Variants in PEBP4 observed in about 807,000 individuals in gnomAD.
PEBP4 encodes the protein phosphatidylethanolamine binding protein 4.
Under a neutral mutation model 23.9 loss-of-function variants are expected in PEBP4, and 22 were observed. The observed-to-expected ratio is 0.92, with a 90% CI of 0.66 to 1.31. The LOEUF (loss-of-function observed/expected upper bound fraction) is 1.31. Ranked by LOEUF, PEBP4 falls within the 40% of genes most tolerant of loss-of-function variation. PEBP4 has a pLI of 0.00. For missense variants in PEBP4, 324 were observed against 281.7 expected (o/e 1.15, Z -1.07); for synonymous variants, 112 against 99.3 (o/e 1.13, Z -0.76).
At chr8:22,935,791 A>C (rs987300287) in intron 1 of PEBP4, among the ~76,000 whole-genome samples, 7 of 152,202 alleles carry the variant, frequency 4.6e-5, no homozygotes, top group African/African-American at 1.7e-4. Flanking sequence ...TATCTCATAT[A>C]TGCAAATATT....
chr8:22,909,422 G>C (rs1240916790), intron 3 of PEBP4, among the ~76,000 whole-genome samples: 2 of 152,156 alleles, frequency 1.3e-5, no homozygotes, highest in Non-Finnish European at 2.9e-5. Context: ...AAAGAAATGA[G>C]GGTCCCTGAT....
intron 1 of PEBP4, among the ~76,000 whole-genome samples, chr8:22,936,171 A>G (rs1204111793): frequency 6.6e-6 from 1 of 151,984 alleles, no homozygotes; most frequent in East Asian, 1.9e-4. Context: ...TGACACTATC[A>G]GCCAGATTAA....
At chr8:22,786,323 C>T (rs900962801) in intron 4 of PEBP4, among the ~76,000 whole-genome samples, 6 of 152,136 alleles carry the variant, frequency 3.9e-5, no homozygotes, top group African/African-American at 1.4e-4. Flanking sequence ...TGCTCTGCTT[C>T]CCAGGCTGGA....
chr8:22,882,239 G>A lies in PEBP4; in HGVS notation c.258+37945C>T, dbSNP rs558097485. Among the ~76,000 whole-genome samples, 103 of 152,326 alleles carry A rather than the reference G, an allele frequency of 6.8e-4. 1 individual carries two copies. The highest frequency in any genetic ancestry group is 2.3e-3 in the African/African-American group (97 of 41,578). ...CAGGAAATCACAGCAGCTTTGCCAA[G>A]GCCCACAGCCTGTTATTGGCAGAAC... On this transcript the variant is annotated intron_variant, in intron 3 of 6. Transcript: ENST00000256404.
chr8:22,804,099 G>A (rs1011428438), intron 4 of PEBP4, among the ~76,000 whole-genome samples: 2 of 152,330 alleles, frequency 1.3e-5, no homozygotes, highest in African/African-American at 4.8e-5. Flanking sequence ...GGAGGCCGAG[G>A]TGGGAGGATT....
upstream of PEBP4, among the ~76,000 whole-genome samples, chr8:22,930,373 T>A (rs2457429): frequency 0.37 from 56,458 of 151,990 alleles, 11,757 homozygotes; most frequent in East Asian, 0.6. Context: ...TTCTTCATTA[T>A]TCTCATATAG....
chr8:22,755,264 AG>A (rs1433819018), intron 4 of PEBP4, among the ~76,000 whole-genome samples: 2 of 151,376 alleles, frequency 1.3e-5, no homozygotes, highest in Non-Finnish European at 2.9e-5. Context: ...GCCAATAGGC[AG>A]GAAGGAAGAG....
upstream of PEBP4, among the ~76,000 whole-genome samples, chr8:22,929,879 T>C (rs1435747079): frequency 6.6e-5 from 10 of 152,194 alleles, no homozygotes; most frequent in Non-Finnish European, 1.3e-4. Context: ...CTAATTTTTG[T>C]ATTTTTTGTA....
At chr8:22,864,947 T>A (rs1268238291) in intron 3 of PEBP4, among the ~76,000 whole-genome samples, 1 of 151,982 alleles carries the variant, frequency 6.6e-6, no homozygotes, top group Non-Finnish European at 1.5e-5. Flanking sequence ...TGGACCCCGA[T>A]GAGGCCCCTT....
intron 3 of PEBP4, among the ~76,000 whole-genome samples, chr8:22,833,934 T>C (rs1807144781): frequency 1.3e-5 from 2 of 152,184 alleles, no homozygotes; most frequent in South Asian, 4.1e-4. Flanking sequence ...CTAATTCCCC[T>C]GAAGTCCGTA....
intron 4 of PEBP4, among the ~76,000 whole-genome samples, chr8:22,795,143 G>GTGTGTGTATATATATA (rs1268855798): frequency 3.2e-4 from 16 of 49,910 alleles, no homozygotes; most frequent in African/African-American, 1.3e-3. Flanking sequence ...ATGTGTGTGT[G>GTGTGTGTATATATATA]TATATATATA....
chr8:22,724,996 C>T, intron 5 of PEBP4, 40 bp from the exon 6 acceptor site: 1 of 1,539,746 alleles, frequency 6.5e-7, no homozygotes, highest in Non-Finnish European at 9.0e-7. Flanking sequence ...ATCAACATCC[C>T]ATACTACCGA....
chr8:22,828,274 C>G (rs911837484), intron 3 of PEBP4, among the ~76,000 whole-genome samples: 1 of 152,168 alleles, frequency 6.6e-6, no homozygotes, highest in Non-Finnish European at 1.5e-5. Context: ...TGGTTTCCGG[C>G]CTCAATCCCC....
intron 1 of PEBP4, among the ~76,000 whole-genome samples, chr8:22,939,718 C>G (rs535035870): frequency 8.6e-5 from 13 of 151,954 alleles, no homozygotes; most frequent in African/African-American, 3.1e-4. Context: ...TGGATTTTCC[C>G]AACAATTTTA....
chr8:22,902,095 G>C (rs1436440961), intron 3 of PEBP4, among the ~76,000 whole-genome samples: 1 of 152,082 alleles, frequency 6.6e-6, no homozygotes, highest in Admixed American at 6.5e-5. Context: ...GAGGCGGGTG[G>C]ATCACCTGAG....
chr8:22,828,269 T>C (rs919092992), intron 3 of PEBP4, among the ~76,000 whole-genome samples: 1 of 152,180 alleles, frequency 6.6e-6, no homozygotes, highest in Admixed American at 6.5e-5. Flanking sequence ...ACTTCTGGTT[T>C]CCGGCCTCAA....
At chr8:22,748,834 GC>G in intron 4 of PEBP4, among the ~76,000 whole-genome samples, 1 of 152,324 alleles carries the variant, frequency 6.6e-6, no homozygotes, top group African/African-American at 2.4e-5. Context: ...AACAGGAGAG[GC>G]CTCCACGAGT....
At chr8:22,794,833 T>C (rs1236563105) in intron 4 of PEBP4, among the ~76,000 whole-genome samples, 3 of 152,152 alleles carry the variant, frequency 2.0e-5, no homozygotes, top group African/African-American at 7.2e-5. Context: ...AAGCCTGTTC[T>C]CTTCTGATTC....
chr8:22,822,630 C>T (rs965096129), intron 3 of PEBP4, among the ~76,000 whole-genome samples: 8 of 151,772 alleles, frequency 5.3e-5, no homozygotes, highest in Non-Finnish European at 7.4e-5. Flanking sequence ...TAAACTGTTA[C>T]AAATTATACA....
Sources: gnomAD v4.1 joint callset for allele counts (sites outside exome capture counted in the v4.1 genomes callset) on GRCh38, gnomAD v4.1.1 for gene constraint, MANE v1.5 for transcripts, NCBI Gene and HGNC (gene_info 2026-07-23, HGNC 2026-07-21) for gene names.